TAOK3: variants seen among roughly 807,000 people sequenced by gnomAD.
TAOK3 encodes TAO kinase 3.
TAOK3 carries 40 observed loss-of-function variants against 120.4 expected under a neutral mutation model. The observed-to-expected ratio is 0.33, with a 90% CI of 0.26 to 0.43. The LOEUF is 0.43. Ranked by LOEUF, TAOK3 falls within the 20% of genes least tolerant of loss-of-function variation. The probability of loss-of-function intolerance (pLI) is 1.00; values close to 1 mark genes in which losing one functional copy is unlikely to be tolerated. For synonymous variants in TAOK3, 355 were observed against 387.5 expected (o/e 0.92, Z 0.99); for missense variants, 821 against 1,112.1 (o/e 0.74, Z 3.72).
At chr12:118,247,685 T>A (rs1180878827) in intron 3 of TAOK3, among the ~76,000 whole-genome samples, 1 of 152,050 alleles carries the variant, frequency 6.6e-6, no homozygotes, top group East Asian at 1.9e-4. Flanking sequence ...TGGCTAATTT[T>A]TATATATGTA....
intron 13 of TAOK3, among the ~76,000 whole-genome samples, chr12:118,193,312 G>A (rs2037536253): frequency 6.6e-6 from 1 of 151,892 alleles, no homozygotes. Flanking sequence ...GCCTCTCAAA[G>A]TGCTAGGATT....
chr12:118,370,596 A>T (rs2141337368), intron 1 of TAOK3, among the ~76,000 whole-genome samples: 1 of 152,364 alleles, frequency 6.6e-6, no homozygotes, highest in East Asian at 1.9e-4. Context: ...GAGGAGATAC[A>T]ACCTATAAAC....
intron 1 of TAOK3, chr12:118,359,084 A>G (rs1022230473): frequency 6.6e-6 from 1 of 152,226 alleles, no homozygotes; most frequent in Non-Finnish European, 1.5e-5. Flanking sequence ...TTAAGTTATA[A>G]GAACACCCCA....
intron 8 of TAOK3, 100 bp from the exon 9 acceptor site, chr12:118,233,865 A>G: frequency 1.4e-6 from 1 of 718,676 alleles, no homozygotes; most frequent in East Asian, 2.8e-5. Flanking sequence ...GTATTCTGAA[A>G]TTTTATCTGA....
chr12:118,313,627 A>T, intron 1 of TAOK3, among the ~76,000 whole-genome samples: 1 of 152,306 alleles, frequency 6.6e-6, no homozygotes, highest in Non-Finnish European at 1.5e-5. Context: ...TCTAATATTT[A>T]AAAGGGTTTT....
rs1422684415 is a variant in TAOK3 at position 118,160,700 on chromosome 12, T to A, written c.2140-342A>T. On this transcript the variant is annotated intron_variant, in intron 18 of 20. Transcript: ENST00000392533. The surrounding 1 kb of genome is among the most constrained non-coding windows in gnomAD (Gnocchi z 4.2). ...GGCAACTCTTTTCATGCTTTCCTAGTCAGACACTTCAGTGTCTTCCATTGT... is the reference window on the plus strand; with the variant it reads ...GGCAACTCTTTTCATGCTTTCCTAGACAGACACTTCAGTGTCTTCCATTGT... Among the ~76,000 whole-genome samples, 2 of 152,200 alleles carry A rather than the reference T, an allele frequency of 1.3e-5. No homozygotes were observed. The highest frequency in any genetic ancestry group is 2.9e-5 in the Non-Finnish European group (2 of 68,030).
chr12:118,337,627 G>T (rs2044420847), intron 1 of TAOK3, among the ~76,000 whole-genome samples: 1 of 152,156 alleles, frequency 6.6e-6, no homozygotes, highest in African/African-American at 2.4e-5. Context: ...TAAATCGTCA[G>T]AGAATTACAC....
At chr12:118,193,938 A>G (rs2037568370) in intron 13 of TAOK3, among the ~76,000 whole-genome samples, 1 of 152,224 alleles carries the variant, frequency 6.6e-6, no homozygotes, top group South Asian at 2.1e-4. Context: ...AGCACCTGGC[A>G]TAGTGCTTGA....
intron 7 of TAOK3, chr12:118,236,213 C>T (rs2040014401): frequency 2.0e-5 from 3 of 153,192 alleles, no homozygotes; most frequent in African/African-American, 7.2e-5. Flanking sequence ...ATTGTAACTG[C>T]AACTCTAAGG....
intron 15 of TAOK3, among the ~76,000 whole-genome samples, chr12:118,178,866 A>G (rs1192333713): frequency 6.6e-6 from 1 of 152,232 alleles, no homozygotes; most frequent in Admixed American, 6.5e-5. Context: ...CTGGCTCCTG[A>G]AAGTGACCAA....
intron 1 of TAOK3, among the ~76,000 whole-genome samples, chr12:118,320,606 CACACTAGACTATAAGCTATTGA>C (rs1489009065): frequency 6.6e-6 from 1 of 152,096 alleles, no homozygotes; most frequent in Admixed American, 6.5e-5. Flanking sequence ...ACTGGCCAGT[CACACTAGACTATAAGCTATTGA>C]GACCAGGGCT....
At chr12:118,336,012 T>A (rs1488970555) in intron 1 of TAOK3, among the ~76,000 whole-genome samples, 1 of 152,088 alleles carries the variant, frequency 6.6e-6, no homozygotes, top group Non-Finnish European at 1.5e-5. Flanking sequence ...AGAAAAGACG[T>A]CAATTATCCC....
chr12:118,181,363 A>C lies in TAOK3; in HGVS notation c.1566+8T>G, dbSNP rs139751582. ...TTGTGGCATGAAGGCGTGTGTGCACATACTGACCTCCTTTTCTATGATAGC... is the reference window on the plus strand; with the variant it reads ...TTGTGGCATGAAGGCGTGTGTGCACCTACTGACCTCCTTTTCTATGATAGC... On this transcript the variant is annotated splice_region_variant and intron_variant, in intron 15 of 20. Coordinates refer to ENST00000392533, the MANE Select transcript of TAOK3 (RefSeq NM_016281.4). 4 of 1,611,108 alleles carry C rather than the reference A, an allele frequency of 2.5e-6. No individual in the cohort carries two copies. The highest frequency in any genetic ancestry group is 3.4e-6 in the Non-Finnish European group (4 of 1,177,968).
chr12:118,163,991 C>T (rs748748250), intron 17 of TAOK3, among the ~76,000 whole-genome samples: 4 of 151,804 alleles, frequency 2.6e-5, no homozygotes, highest in African/African-American at 7.2e-5. Flanking sequence ...GGATTACAGG[C>T]GTGAGCCACC....
rs2138386161 is a variant in TAOK3 at position 118,161,065 on chromosome 12, G to A, written c.2140-707C>T. Among the ~76,000 whole-genome samples, 1 of 152,332 alleles carries A rather than the reference G, an allele frequency of 6.6e-6. No individual in the cohort carries two copies. Among genetic ancestry groups the A allele is most frequent in the Non-Finnish European group, 1.5e-5 (1 of 68,030 alleles). On this transcript the variant is annotated intron_variant, in intron 18 of 20. Coordinates refer to ENST00000392533, the MANE Select transcript of TAOK3 (RefSeq NM_016281.4). This position sits in a 1 kb window ranked among gnomAD's most constrained non-coding sequence, Gnocchi z 4.5. ...ATCAGGTTGCCCCACAGTCATGTGT[G>A]CACTTCACGAACACTCTGAGGACTT...
At chr12:118,241,002 T>G (rs2040227173) in intron 5 of TAOK3, among the ~76,000 whole-genome samples, 1 of 149,292 alleles carries the variant, frequency 6.7e-6, no homozygotes, top group Non-Finnish European at 1.5e-5. Flanking sequence ...TATATGAACA[T>G]ATTATAAATA....
At chr12:118,261,367 T>C (rs2041221113) in intron 2 of TAOK3, 1 of 152,186 alleles carries the variant, frequency 6.6e-6, no homozygotes, top group Non-Finnish European at 1.5e-5. Context: ...AAGAAAATTA[T>C]ACCAAGGCAC....
intron 19 of TAOK3, among the ~76,000 whole-genome samples, chr12:118,153,409 TA>T (rs1202244156): frequency 6.7e-5 from 10 of 149,478 alleles, no homozygotes; most frequent in African/African-American, 9.8e-5. Flanking sequence ...CTTTGTCTCA[TA>T]AAAAAAAAAT....
intron 2 of TAOK3, among the ~76,000 whole-genome samples, chr12:118,256,483 A>G (rs2040993617): frequency 6.6e-6 from 1 of 152,230 alleles, no homozygotes; most frequent in African/African-American, 2.4e-5. Context: ...CATTATTCAT[A>G]ATAACCAGAA....
Sources: allele counts gnomAD v4.1 joint callset (sites outside exome capture counted in the v4.1 genomes callset), GRCh38; gene constraint gnomAD v4.1.1; non-coding constraint Gnocchi (gnomAD v3.1); transcripts MANE v1.5; gene names NCBI Gene and HGNC (gene_info 2026-07-23, HGNC 2026-07-21).